SH3GL3: variants seen among roughly 807,000 people sequenced by gnomAD.
SH3GL3 encodes SH3 domain containing GRB2 like 3, endophilin A3, also known as endophilin-A3.
Under a neutral mutation model 47.7 loss-of-function variants are expected in SH3GL3, and 33 were observed. The ratio of observed to expected loss-of-function variants is 0.69; its 90% CI spans 0.52 to 0.92. The LOEUF is 0.92. Ranked by LOEUF, SH3GL3 falls within the 40% of genes least tolerant of loss-of-function variation. SH3GL3 has a pLI of 0.00. For missense variants in SH3GL3, 363 were observed against 417.8 expected, an observed-to-expected ratio of 0.87 and a Z score of 1.14; for synonymous variants, 155 against 148.8, an observed-to-expected ratio of 1.04 and a Z score of -0.30.
intron 1 of SH3GL3, among the ~76,000 whole-genome samples, chr15:83,552,382 T>C (rs2044708187): frequency 6.6e-6 from 1 of 152,228 alleles, no homozygotes; most frequent in South Asian, 2.1e-4. Context: ...GTAATTTCTA[T>C]TGGGGTTTTC....
chr15:83,533,078 T>A (rs1340032866), intron 1 of SH3GL3, among the ~76,000 whole-genome samples: 1 of 152,182 alleles, frequency 6.6e-6, no homozygotes, highest in African/African-American at 2.4e-5. Flanking sequence ...AGAGTGTTTA[T>A]TGAGTGGCCA....
chr15:83,574,401 GTCC>G (rs1196917645), intron 5 of SH3GL3, among the ~76,000 whole-genome samples: 1 of 152,128 alleles, frequency 6.6e-6, no homozygotes, highest in Non-Finnish European at 1.5e-5. Context: ...TCTCAAGCCA[GTCC>G]TCCTCTGGGC....
At position 83,447,630 on chromosome 15, in the gene SH3GL3, C is replaced by T; in HGVS notation, c.45+52C>T. 3 of 1,337,790 alleles carry T rather than the reference C, an allele frequency of 2.2e-6. No homozygotes were observed. The highest frequency in any genetic ancestry group is 2.0e-6 in the Non-Finnish European group (2 of 991,982). 82.9% of individuals were successfully genotyped at this position (1,337,790 alleles called of 1,614,324 possible). A position where few individuals can be genotyped will look rare whatever the true frequency, so the allele number is the denominator to read the frequency against. On this transcript the variant is annotated intron_variant, in intron 1 of 8. Coordinates refer to ENST00000427482, the MANE Select transcript of SH3GL3 (RefSeq NM_003027.5). This position sits in a 1 kb window ranked among gnomAD's most constrained non-coding sequence, Gnocchi z 5.1. ...GGGAGGGGGACGCGGAGGCTGCGGC[C>T]CCCCGAGGCTCCCGGGCCTTTGGGA...
chr15:83,596,463 G>T (rs2060239292), intron 8 of SH3GL3, among the ~76,000 whole-genome samples: 1 of 152,034 alleles, frequency 6.6e-6, no homozygotes, highest in Non-Finnish European at 1.5e-5. Flanking sequence ...TAATTTTGTG[G>T]CAGAGGGTAT....
intron 1 of SH3GL3, among the ~76,000 whole-genome samples, chr15:83,466,475 C>T (rs1183272376): frequency 6.6e-6 from 1 of 151,714 alleles, no homozygotes; most frequent in Non-Finnish European, 1.5e-5. Flanking sequence ...ACAAAGGCCC[C>T]AAGATGGAAA....
chr15:83,513,673 C>T (rs552517883), intron 1 of SH3GL3, among the ~76,000 whole-genome samples: 4 of 152,276 alleles, frequency 2.6e-5, no homozygotes, highest in African/African-American at 7.2e-5. Flanking sequence ...GCATCTGTCT[C>T]TCCCACTAAA....
downstream of SH3GL3, among the ~76,000 whole-genome samples, chr15:83,623,109 A>G (rs567809821): frequency 2.0e-5 from 3 of 152,200 alleles, no homozygotes; most frequent in Non-Finnish European, 4.4e-5. Flanking sequence ...TGTCCTCAAT[A>G]TAGGTTTCAA....
At chr15:83,464,850 C>T (rs2040486763) in intron 1 of SH3GL3, among the ~76,000 whole-genome samples, 2 of 152,008 alleles carry the variant, frequency 1.3e-5, no homozygotes, top group African/African-American at 4.8e-5. Flanking sequence ...CCACAATGGC[C>T]AGGATACTGT....
chr15:83,594,197 G>A (rs1377267853), intron 8 of SH3GL3, among the ~76,000 whole-genome samples: 1 of 152,198 alleles, frequency 6.6e-6, no homozygotes, highest in South Asian at 2.1e-4. Flanking sequence ...ATGAGAAACA[G>A]TCTTTGAATT....
At chr15:83,596,576 T>C (rs956392806) in intron 8 of SH3GL3, among the ~76,000 whole-genome samples, 3 of 152,222 alleles carry the variant, frequency 2.0e-5, no homozygotes, top group African/African-American at 7.2e-5. Flanking sequence ...CTCATTCGCA[T>C]TGACCCTTTT....
At chr15:83,470,768 T>G (rs1453632269) in intron 1 of SH3GL3, among the ~76,000 whole-genome samples, 2 of 152,182 alleles carry the variant, frequency 1.3e-5, no homozygotes, top group African/African-American at 4.8e-5. Flanking sequence ...CATTTTGGTT[T>G]ATATAGTGTT....
intron 8 of SH3GL3, among the ~76,000 whole-genome samples, chr15:83,590,291 T>C (rs1417257240): frequency 6.6e-6 from 1 of 152,186 alleles, no homozygotes; most frequent in Non-Finnish European, 1.5e-5. Context: ...AGCTTTTATT[T>C]TGATGTAGTC....
chr15:83,447,879 G>A lies in SH3GL3; in HGVS notation c.45+301G>A, dbSNP rs973011266. ...GGGACTCGGGAGGCGGAGACGGAGT[G>A]GGCGTGGGGGGGCCCCTACCCGCGC... On this transcript the variant is annotated intron_variant, in intron 1 of 8. Coordinates refer to ENST00000427482, the MANE Select transcript of SH3GL3 (RefSeq NM_003027.5). This position sits in a 1 kb window ranked among gnomAD's most constrained non-coding sequence, Gnocchi z 5.1. Among the ~76,000 whole-genome samples the A allele has an allele frequency of 6.6e-6, 1 of 152,082 alleles. No homozygotes were observed. The highest frequency in any genetic ancestry group is 1.5e-5 in the Non-Finnish European group (1 of 68,028).
In SH3GL3 at chr15:83,560,470, A is replaced by T. The variant is rs184658959; in HGVS notation, c.114+1149A>T. 1.1e-3 allele frequency among the ~76,000 whole-genome samples: 169 copies of T among 147,420 alleles called. 3 individuals are homozygous for T. The highest frequency in any genetic ancestry group is 4.1e-3 in the African/African-American group (153 of 37,026). On this transcript the variant is annotated intron_variant, in intron 2 of 8. Coordinates refer to ENST00000427482, the MANE Select transcript of SH3GL3 (RefSeq NM_003027.5). ...ACCATTGACATACCTTAAATTACTT[A>T]AAAAAAACTCTTAATATACAAATAG...
rs144757568 is a variant in SH3GL3, at chr15:83,547,596, T to C, written c.46-11657T>C. 7.2e-3 allele frequency among the ~76,000 whole-genome samples: 1,088 copies of C among 151,748 alleles called. 9 individuals carry two copies. Among genetic ancestry groups the C allele is most frequent in the Middle Eastern group, 0.041 (12 of 290 alleles). On this transcript the variant is annotated intron_variant, in intron 1 of 8. Transcript: ENST00000427482. ...TGATTTCTTGTGTGGATAGTTGTTC[T>C]ATTTGGTGTTCCTGCAGGGGGGACG... is the stretch of plus-strand genomic sequence containing the variant.
intron 1 of SH3GL3, among the ~76,000 whole-genome samples, chr15:83,536,846 C>G (rs2043933860): frequency 6.6e-6 from 1 of 152,130 alleles, no homozygotes; most frequent in African/African-American, 2.4e-5. Flanking sequence ...TTAATGAAAA[C>G]TTTAAAAAGT....
At chr15:83,515,124 A>T (rs980294963) in intron 1 of SH3GL3, among the ~76,000 whole-genome samples, 7 of 152,124 alleles carry the variant, frequency 4.6e-5, no homozygotes. Flanking sequence ...AGCTGTGAGA[A>T]AATAAGTCTG....
At chr15:83,516,306 C>T (rs2042977528) in intron 1 of SH3GL3, among the ~76,000 whole-genome samples, 1 of 152,108 alleles carries the variant, frequency 6.6e-6, no homozygotes, top group Admixed American at 6.5e-5. Flanking sequence ...CTCCCATGTA[C>T]CCTTTTATAG....
intron 8 of SH3GL3, among the ~76,000 whole-genome samples, chr15:83,596,154 A>G (rs2060232514): frequency 6.6e-6 from 1 of 152,208 alleles, no homozygotes; most frequent in African/African-American, 2.4e-5. Context: ...AATGTGTTAT[A>G]TCATTTCCAC....
Sources: gnomAD v4.1 joint callset for allele counts (sites outside exome capture counted in the v4.1 genomes callset) on GRCh38, gnomAD v4.1.1 for gene constraint, Gnocchi (gnomAD v3.1) non-coding constraint, MANE v1.5 for transcripts, NCBI Gene and HGNC (gene_info 2026-07-23, HGNC 2026-07-21) for gene names.